Variants in OGT observed in about 807,000 individuals in gnomAD.
OGT encodes UDP-N-acetylglucosamine--peptide N-acetylglucosaminyltransferase 110 kDa subunit.
A neutral mutation model predicts 75.8 loss-of-function variants in OGT; 3 were observed. That is an observed-to-expected ratio of 0.04 (90% CI 0.02 to 0.10). The LOEUF is 0.10. Among genes scored for constraint, OGT ranks in the 10% least tolerant of loss-of-function variants. The probability of loss-of-function intolerance (pLI) is 1.00; values close to 1 mark genes in which losing one functional copy is unlikely to be tolerated. For missense variants in OGT, 260 were observed against 824.4 expected, an observed-to-expected ratio of 0.32 and a Z score of 8.38; for synonymous variants, 257 against 289.7, an observed-to-expected ratio of 0.89 and a Z score of 1.15.
At chrX:71,542,191 A>G (rs1215993491) in intron 3 of OGT, among the ~76,000 whole-genome samples, 1 of 112,137 alleles carries the variant, frequency 8.9e-6, no homozygotes, top group African/African-American at 3.2e-5. Context: ...GATGGATAAA[A>G]TGGGCTAGTT....
intron 6 of OGT, 48 bp from the exon 7 acceptor site, chrX:71,555,137 TGTGTG>T: frequency 2.5e-6 from 1 of 401,151 alleles, no homozygotes; most frequent in Non-Finnish European, 3.8e-6. Context: ...TTACATTTTG[TGTGTG>T]TGTGTGTGTG....
At chrX:71,534,784 CAAAG>C (rs1400674669) in intron 1 of OGT, among the ~76,000 whole-genome samples, 1 of 111,844 alleles carries the variant, frequency 8.9e-6, no homozygotes. Context: ...TGAAAAGTGA[CAAAG>C]TAATGTGTGA....
At position 71,574,622 on chromosome X, in the gene OGT, A is replaced by G. The variant is rs770562233; in HGVS notation, c.*828A>G. ...TCAAGGGCACAGTTGTGGTACTGTC[A>G]TTGATAATAATATAGTTTTTTTTTT... On this transcript the variant is annotated 3_prime_UTR_variant, in exon 22 of 22. Coordinates refer to ENST00000373719, the MANE Select transcript of OGT (RefSeq NM_181672.3). 9.1e-6 allele frequency: 1 copy of G among 110,028 alleles called. No homozygotes were observed. Among genetic ancestry groups the G allele is most frequent in the South Asian group, 3.9e-4 (1 of 2,588 alleles). The allele number at this position is 110,028 out of a possible 1,213,427, so 9.1% of individuals were successfully genotyped here.
intron 5 of OGT, among the ~76,000 whole-genome samples, chrX:71,549,260 C>T (rs1205828706): frequency 1.2e-5 from 1 of 82,653 alleles, no homozygotes; most frequent in African/African-American, 4.8e-5. Context: ...TGCACCACTG[C>T]ACTCCAGCCT....
rs755851138 is a variant in OGT at position 71,561,255 on chromosome X, A to G, written c.1852-520A>G. Among the ~76,000 whole-genome samples the G allele has an allele frequency of 1.6e-4, 18 of 110,194 alleles. No individual in the cohort carries two copies. The South Asian group carries it at 6.6e-3, about 41-fold the overall frequency. On this transcript the variant is annotated intron_variant, in intron 14 of 21. Transcript: ENST00000373719. ...CTCACCATTTTCTAAACTCCCTCAC[A>G]CTTTACTCTAGTTCTTCATTCATAC...
intron 21 of OGT, 77 bp downstream of exon 21, chrX:71,568,193 T>TAA: frequency 2.2e-6 from 2 of 906,444 alleles, no homozygotes; most frequent in Non-Finnish European, 3.0e-6. Flanking sequence ...AACCATAAAA[T>TAA]AAGTGTAATA....
chrX:71,543,963 T>C, intron 3 of OGT, among the ~76,000 whole-genome samples: 1 of 109,250 alleles, frequency 9.2e-6, no homozygotes. Flanking sequence ...ATTTCATATT[T>C]TTAGTAGAGA....
At chrX:71,543,285 T>G (rs2040233081) in intron 3 of OGT, among the ~76,000 whole-genome samples, 1 of 111,827 alleles carries the variant, frequency 8.9e-6, no homozygotes, top group Admixed American at 9.5e-5. Flanking sequence ...ATAAGCATAC[T>G]TCCTGTTGTC....
rs756915832 is a variant in OGT at position 71,575,657 on chromosome X, T to G, written c.*1863T>G. On this transcript the variant is annotated 3_prime_UTR_variant, in exon 22 of 22. Coordinates refer to ENST00000373719, the MANE Select transcript of OGT (RefSeq NM_181672.3). Reference sequence around the variant, plus strand: ...ATTCCTCCTATAGGGATGAACTTTTTCCTGGCACGAAAAGTAGCCGCTCTG... The same window carrying G: ...ATTCCTCCTATAGGGATGAACTTTTGCCTGGCACGAAAAGTAGCCGCTCTG... 2.4e-4 allele frequency: 27 copies of G among 112,730 alleles called. No homozygotes were observed. Among genetic ancestry groups the G allele is most frequent in the South Asian group, 1.8e-3 (5 of 2,743 alleles). The allele number at this position is 112,730 out of a possible 1,213,427, so 9.3% of individuals were successfully genotyped here.
At chrX:71,572,773 T>G (rs182602112) in intron 21 of OGT, among the ~76,000 whole-genome samples, 59 of 111,679 alleles carry the variant, frequency 5.3e-4, no homozygotes, top group African/African-American at 1.9e-3. Flanking sequence ...TTTCAAAAAT[T>G]AAAAGAAAAT....
intron 4 of OGT, chrX:71,547,044 T>G: frequency 7.9e-6 from 6 of 754,776 alleles, no homozygotes; most frequent in Non-Finnish European, 9.4e-6. Context: ...AGCGCAGCAG[T>G]TCGCAGCGAT....
chrX:71,547,698 G>T, intron 4 of OGT: 2 of 1,053,722 alleles, frequency 1.9e-6, no homozygotes, highest in Non-Finnish European at 2.4e-6. Context: ...TTCTGGTGGC[G>T]CAGGCGCAGG....
In OGT at chrX:71,573,955, G is replaced by A; in HGVS notation, c.*161G>A. The A allele has an allele frequency of 2.7e-6, 1 of 371,438 alleles. No individual in the cohort carries two copies. Among genetic ancestry groups the A allele is most frequent in the African/African-American group, 2.5e-5 (1 of 39,299 alleles). 30.6% of individuals were successfully genotyped at this position (371,438 alleles called of 1,213,427 possible). A position where few individuals can be genotyped will look rare whatever the true frequency, so the allele number is the denominator to read the frequency against. On this transcript the variant is annotated 3_prime_UTR_variant, in exon 22 of 22. Transcript: ENST00000373719. ...GCACAGCCAGACTTGCTTCCTGCATGGTAGGGAGAGACACAAAAGATGGGA... is the reference window on the plus strand; with the variant it reads ...GCACAGCCAGACTTGCTTCCTGCATAGTAGGGAGAGACACAAAAGATGGGA...
chrX:71,563,547 T>C (rs769047195), intron 18 of OGT, 48 bp downstream of exon 18: 1 of 1,005,532 alleles, frequency 9.9e-7, no homozygotes, highest in Admixed American at 2.7e-5. Context: ...AGTATGCATT[T>C]ATTTCCCTTA....
At chrX:71,547,170 C>T (rs967443486) in intron 4 of OGT, 3 of 754,129 alleles carry the variant, frequency 4.0e-6, no homozygotes, top group Middle Eastern at 7.6e-4. Context: ...CCTTGGGAGA[C>T]GGGGCATTGT....
At chrX:71,543,372 G>T (rs755319096) in intron 3 of OGT, among the ~76,000 whole-genome samples, 1 of 111,457 alleles carries the variant, frequency 9.0e-6, no homozygotes, top group East Asian at 2.8e-4. Context: ...GCTCACTGTT[G>T]TGATGAGTGT....
chrX:71,553,121 T>C (rs1005964189), intron 5 of OGT, among the ~76,000 whole-genome samples: 19 of 111,741 alleles, frequency 1.7e-4, no homozygotes, highest in Non-Finnish European at 3.6e-4. Flanking sequence ...AGACAGAGTC[T>C]CGCTCTGTCG....
intron 3 of OGT, among the ~76,000 whole-genome samples, chrX:71,538,640 C>T (rs2040196849): frequency 9.0e-6 from 1 of 111,722 alleles, no homozygotes; most frequent in South Asian, 3.7e-4. Context: ...CAGATGTGTT[C>T]TGGGAACAAG....
intron 18 of OGT, 41 bp downstream of exon 18, chrX:71,563,540 A>G (rs2040398119): frequency 9.6e-7 from 1 of 1,044,957 alleles, no homozygotes; most frequent in African/African-American, 1.9e-5. Context: ...CCCGCCAAGT[A>G]TGCATTTATT....
Sources: allele counts gnomAD v4.1 joint callset (sites outside exome capture counted in the v4.1 genomes callset), GRCh38; gene constraint gnomAD v4.1.1; transcripts MANE v1.5; gene names NCBI Gene and HGNC (gene_info 2026-07-23, HGNC 2026-07-21).